The following TUSC3 variants were observed in gnomAD, a reference collection of about 807,000 sequenced individuals.
TUSC3 encodes the protein dolichyl-diphosphooligosaccharide--protein glycosyltransferase subunit TUSC3.
TUSC3 carries 45 observed loss-of-function variants against 44.8 expected under a neutral mutation model. The observed-to-expected ratio is 1.00, with a 90% confidence interval of 0.79 to 1.29. TUSC3 has a LOEUF of 1.29. Ranked by LOEUF, TUSC3 falls within the 50% of genes most tolerant of loss-of-function variation. TUSC3 has a pLI of 0.00. For missense variants in TUSC3, 519 were observed against 437.9 expected (o/e 1.19, Z -1.65); for synonymous variants, 212 against 152.9 (o/e 1.39, Z -2.85).
intron 2 of TUSC3, among the ~76,000 whole-genome samples, chr8:15,630,082 C>G (rs1805691820): frequency 6.6e-6 from 1 of 152,080 alleles, no homozygotes; most frequent in Admixed American, 6.6e-5. Context: ...TAGATGTATT[C>G]TCCTACAAAG....
At chr8:15,817,759 T>A in the TUSC3 span, among the ~76,000 whole-genome samples, 5 of 152,192 alleles carry the variant, frequency 3.3e-5, no homozygotes, top group Admixed American at 3.3e-4. Context: ...GTCTTGGGTA[T>A]GTCTTTATTA....
intron 2 of TUSC3, among the ~76,000 whole-genome samples, chr8:15,648,514 C>G (rs6992252): frequency 0.33 from 49,640 of 151,264 alleles, 8,530 homozygotes; most frequent in East Asian, 0.43. Flanking sequence ...ATCACGAGGT[C>G]AGGAGATCGA....
chr8:15,608,242 T>C (rs1368949196), intron 1 of TUSC3, among the ~76,000 whole-genome samples: 1 of 152,204 alleles, frequency 6.6e-6, no homozygotes, highest in African/African-American at 2.4e-5. Context: ...GGTTATATTT[T>C]ATCCTCAAGA....
intron 6 of TUSC3, among the ~76,000 whole-genome samples, chr8:15,694,243 T>A (rs1184053758): frequency 6.6e-6 from 1 of 151,772 alleles, no homozygotes; most frequent in African/African-American, 2.4e-5. Context: ...AGGAGTTTCA[T>A]ACCAGCCTAG....
intron 1 of TUSC3, among the ~76,000 whole-genome samples, chr8:15,476,240 G>GA (rs1179035502): frequency 6.6e-6 from 1 of 152,158 alleles, no homozygotes; most frequent in Non-Finnish European, 1.5e-5. Flanking sequence ...TGAGTAGGAT[G>GA]AAAAAATAGC....
At chr8:15,724,852 G>T (rs575457801) in intron 6 of TUSC3, among the ~76,000 whole-genome samples, 2 of 152,272 alleles carry the variant, frequency 1.3e-5, no homozygotes, top group South Asian at 4.1e-4. Context: ...TGGACTGAAA[G>T]AATTCATATA....
chr8:15,598,587 G>GTCTTTGTCTCACCTAT (rs11275085), intron 1 of TUSC3, among the ~76,000 whole-genome samples: 3 of 151,200 alleles, frequency 2.0e-5, no homozygotes, highest in Admixed American at 2.0e-4. Flanking sequence ...CCTAAAACTC[G>GTCTTTGTCTCACCTAT]TCATACTTCC....
intron 5 of TUSC3, among the ~76,000 whole-genome samples, chr8:15,672,084 A>T (rs1807972992): frequency 6.6e-6 from 1 of 152,046 alleles, no homozygotes; most frequent in Admixed American, 6.6e-5. Context: ...CATGAACAAG[A>T]TGTGGATGCA....
rs543064028 is a variant in TUSC3 at position 15,761,672 on chromosome 8, A to C, written c.*47-2531A>C. Among the ~76,000 whole-genome samples the C allele has an allele frequency of 1.2e-4, 18 of 152,314 alleles. No homozygotes were observed. In the South Asian group the frequency reaches 3.3e-3, roughly 28 times the overall value. ...TGACTGAGCGTGGAGCAGAGTCCAC[A>C]CAGAAGTTGATCGTGGTACCCAAGG... On this transcript the variant is annotated intron_variant, in intron 10 of 10. Coordinates refer to ENST00000503731, the MANE Select transcript of TUSC3 (RefSeq NM_006765.4).
chr8:15,837,976 C>A, the TUSC3 span, among the ~76,000 whole-genome samples: 1 of 152,178 alleles, frequency 6.6e-6, no homozygotes, highest in African/African-American at 2.4e-5. Context: ...TCCAGACTGG[C>A]AGGAACTGCA....
chr8:15,794,826 T>G, the TUSC3 span, among the ~76,000 whole-genome samples: 14 of 152,126 alleles, frequency 9.2e-5, no homozygotes, highest in Non-Finnish European at 1.6e-4. Flanking sequence ...ACGTCTCTCC[T>G]TTGCTCTAGA....
At chr8:15,487,407 T>G (rs1800747210) in intron 2 of TUSC3, among the ~76,000 whole-genome samples, 1 of 152,214 alleles carries the variant, frequency 6.6e-6, no homozygotes, top group Non-Finnish European at 1.5e-5. Context: ...ATCAGTTTCT[T>G]TTCTAGCATC....
the TUSC3 span, among the ~76,000 whole-genome samples, chr8:15,810,034 A>C: frequency 3.9e-5 from 6 of 152,208 alleles, no homozygotes; most frequent in Non-Finnish European, 5.9e-5. Flanking sequence ...GCTGTTGGAT[A>C]ATGTCTGTGC....
At chr8:15,533,758 G>A (rs1801482064) in intron 2 of TUSC3, among the ~76,000 whole-genome samples, 1 of 152,170 alleles carries the variant, frequency 6.6e-6, no homozygotes, top group African/African-American at 2.4e-5. Flanking sequence ...GGCGAGAGAA[G>A]GCTCTGAATG....
chr8:15,455,287 C>T (rs1389312419), intron 1 of TUSC3, among the ~76,000 whole-genome samples: 3 of 152,144 alleles, frequency 2.0e-5, no homozygotes, highest in East Asian at 1.9e-4. Flanking sequence ...GGTTTTGTTT[C>T]GGGAGGCAAG....
intron 6 of TUSC3, among the ~76,000 whole-genome samples, chr8:15,709,887 A>G (rs148766618): frequency 5.9e-5 from 9 of 151,996 alleles, no homozygotes; most frequent in African/African-American, 2.2e-4. Context: ...GCAGTCCATT[A>G]CATTATGGCA....
At chr8:15,682,938 G>C (rs1289669758) in intron 6 of TUSC3, among the ~76,000 whole-genome samples, 1 of 151,952 alleles carries the variant, frequency 6.6e-6, no homozygotes, top group Non-Finnish European at 1.5e-5. Flanking sequence ...GCAATTCTTG[G>C]TTGGAATTTT....
chr8:15,492,406 T>G (rs1800821191), intron 2 of TUSC3, among the ~76,000 whole-genome samples: 1 of 152,200 alleles, frequency 6.6e-6, no homozygotes, highest in East Asian at 1.9e-4. Context: ...AATACAGGCT[T>G]GTCTGCACAG....
At chr8:15,779,700 G>A in the TUSC3 span, among the ~76,000 whole-genome samples, 18 of 152,204 alleles carry the variant, frequency 1.2e-4, no homozygotes, top group East Asian at 3.9e-4. Context: ...TTTTAATTGC[G>A]TGTTTTTAAA....
Sources: gnomAD v4.1 joint callset for allele counts (sites outside exome capture counted in the v4.1 genomes callset) on GRCh38, gnomAD v4.1.1 for gene constraint, MANE v1.5 for transcripts, NCBI Gene and HGNC (gene_info 2026-07-23, HGNC 2026-07-21) for gene names.